CSGALNACT2: variants seen among roughly 807,000 people sequenced by gnomAD.
The protein encoded by CSGALNACT2 is chondroitin sulfate N-acetylgalactosaminyltransferase 2.
CSGALNACT2 carries 35 observed loss-of-function variants against 55.3 expected under a neutral mutation model. The observed-to-expected ratio is 0.63, with a 90% CI of 0.48 to 0.84. CSGALNACT2 has a LOEUF of 0.84. Among genes scored for constraint, CSGALNACT2 ranks in the 40% least tolerant of loss-of-function variants. The pLI is 0.00. For synonymous variants in CSGALNACT2, 196 were observed against 224.9 expected (o/e 0.87, Z 1.15); for missense variants, 544 against 657.5 (o/e 0.83, Z 1.89).
At chr10:43,144,253 A>G (rs909413407) in intron 1 of CSGALNACT2, among the ~76,000 whole-genome samples, 1 of 152,230 alleles carries the variant, frequency 6.6e-6, no homozygotes, top group Non-Finnish European at 1.5e-5. Flanking sequence ...TACTGCATGC[A>G]ATGTACATGT....
intron 6 of CSGALNACT2, among the ~76,000 whole-genome samples, chr10:43,174,196 C>T (rs1313685153): frequency 6.6e-6 from 1 of 151,654 alleles, no homozygotes; most frequent in Non-Finnish European, 1.5e-5. Flanking sequence ...AAGTTCTCCC[C>T]CTCAGCTCAA....
intron 7 of CSGALNACT2, among the ~76,000 whole-genome samples, chr10:43,178,871 A>G (rs1839534975): frequency 6.6e-6 from 1 of 152,030 alleles, no homozygotes; most frequent in African/African-American, 2.4e-5. Context: ...GGTACATTTA[A>G]TGGTATCCCA....
At position 43,158,856 on chromosome 10, in the gene CSGALNACT2, C is replaced by T; in HGVS notation, c.803C>T (p.Thr268Ile). The T allele has an allele frequency of 6.2e-7, 1 of 1,611,602 alleles. No individual in the cohort carries two copies. The highest frequency in any genetic ancestry group is 8.5e-7 in the Non-Finnish European group (1 of 1,177,870). The change falls in exon 3 of 8, where the codon ACT becomes ATT. Residue 268 changes from threonine (T) to isoleucine (I), a missense_variant. Coordinates refer to ENST00000374466, the MANE Select transcript of CSGALNACT2 (RefSeq NM_018590.5). ...GTGAAGAGTGAGATGATTGACATCACTAGATCAATTATTAATATCATTGTG... is the reference window on the plus strand; with the variant it reads ...GTGAAGAGTGAGATGATTGACATCATTAGATCAATTATTAATATCATTGTG... The part of the protein sequence containing the change: ...MKVKSEMIDI[T>I]RSIINIIVPL...
At chr10:43,146,574 T>G (rs765392275) in intron 1 of CSGALNACT2, among the ~76,000 whole-genome samples, 1 of 152,110 alleles carries the variant, frequency 6.6e-6, no homozygotes, top group Non-Finnish European at 1.5e-5. Context: ...CACTCAATAT[T>G]AGCCATCCCA....
chr10:43,164,606 C>T (rs1378700194), intron 5 of CSGALNACT2, among the ~76,000 whole-genome samples: 3 of 152,132 alleles, frequency 2.0e-5, no homozygotes, highest in African/African-American at 2.4e-5. Context: ...CTCAGTACTT[C>T]GGGAGGCTTA....
chr10:43,159,262 C>G (rs1839091475), intron 3 of CSGALNACT2, among the ~76,000 whole-genome samples: 1 of 151,948 alleles, frequency 6.6e-6, no homozygotes, highest in African/African-American at 2.4e-5. Flanking sequence ...GTAAAATCCA[C>G]ATATTTTAAG....
At chr10:43,169,740 A>G (rs1365368879) in intron 6 of CSGALNACT2, among the ~76,000 whole-genome samples, 2 of 152,186 alleles carry the variant, frequency 1.3e-5, no homozygotes, top group Non-Finnish European at 2.9e-5. Flanking sequence ...TTTGGAGAAC[A>G]ACAGTAAAAG....
intron 6 of CSGALNACT2, 30 bp downstream of exon 6, chr10:43,167,128 G>A (rs774327814): frequency 7.4e-7 from 1 of 1,344,322 alleles, no homozygotes; most frequent in Non-Finnish European, 1.1e-6. Flanking sequence ...AGTTATGAAA[G>A]ACTCTAAAGA....
rs1564520982 is a variant in CSGALNACT2, at chr10:43,176,043, T to A, written c.1336+11T>A. 6.3e-7 allele frequency: 1 copy of A among 1,589,064 alleles called. No individual in the cohort carries two copies. The highest frequency in any genetic ancestry group is 2.2e-5 in the East Asian group (1 of 44,748). On this transcript the variant is annotated intron_variant, in intron 7 of 7. Transcript: ENST00000374466. ...ATTTCCTGACCATTGGTAAGTATAC[T>A]TTACATTTAAGGATAGGACTTTATT...
chr10:43,184,800 A>C lies in CSGALNACT2; in HGVS notation c.*1258A>C, dbSNP rs1839664664. Reference sequence around the variant, plus strand: ...ATCAGGTCAATTCCTAGTATGCATAAATTTTTTAACCCTTTTAAAAGAGAC... The same window carrying C: ...ATCAGGTCAATTCCTAGTATGCATACATTTTTTAACCCTTTTAAAAGAGAC... On this transcript the variant is annotated 3_prime_UTR_variant, in exon 8 of 8. Coordinates refer to ENST00000374466, the MANE Select transcript of CSGALNACT2 (RefSeq NM_018590.5). 2 of 152,160 alleles carry C rather than the reference A, an allele frequency of 1.3e-5. No individual in the cohort carries two copies. The highest frequency in any genetic ancestry group is 4.8e-5 in the African/African-American group (2 of 41,442). 9.4% of individuals were successfully genotyped at this position (152,160 alleles called of 1,614,324 possible).
At chr10:43,177,044 C>T (rs1238592454) in intron 7 of CSGALNACT2, among the ~76,000 whole-genome samples, 1 of 152,098 alleles carries the variant, frequency 6.6e-6, no homozygotes, top group South Asian at 2.1e-4. Flanking sequence ...GTTTTTATAA[C>T]CAGCCTTTTG....
chr10:43,142,906 G>A (rs550307890), intron 1 of CSGALNACT2, among the ~76,000 whole-genome samples: 21 of 152,278 alleles, frequency 1.4e-4, no homozygotes, highest in African/African-American at 5.1e-4. Flanking sequence ...TGATAGATTT[G>A]AGTCTATTAC....
chr10:43,152,046 T>C (rs1168729828), intron 1 of CSGALNACT2, among the ~76,000 whole-genome samples: 1 of 152,208 alleles, frequency 6.6e-6, no homozygotes, highest in Non-Finnish European at 1.5e-5. Flanking sequence ...TTAGAATTGA[T>C]GGCTTGTAAG....
At position 43,158,934 on chromosome 10, in the gene CSGALNACT2, A is replaced by C. The variant is rs1260141091; in HGVS notation, c.878+3A>C. On this transcript the variant is annotated splice_donor_region_variant and intron_variant, in intron 3 of 7. Coordinates refer to ENST00000374466, the MANE Select transcript of CSGALNACT2 (RefSeq NM_018590.5). ...GTACAATTTATGCAGAACTTCAGGTAACTGTCAGGGCTTAATGATTAAGCT... is the reference window on the plus strand; with the variant it reads ...GTACAATTTATGCAGAACTTCAGGTCACTGTCAGGGCTTAATGATTAAGCT... The C allele has an allele frequency of 6.4e-7, 1 of 1,561,250 alleles. No homozygotes were observed. Among genetic ancestry groups the C allele is most frequent in the East Asian group, 2.2e-5 (1 of 44,592 alleles).
At chr10:43,146,349 A>T (rs1588891269) in intron 1 of CSGALNACT2, among the ~76,000 whole-genome samples, 1 of 152,336 alleles carries the variant, frequency 6.6e-6, no homozygotes, top group East Asian at 1.9e-4. Flanking sequence ...CATGGGAGAA[A>T]GATGAAGTCC....
In CSGALNACT2 at chr10:43,158,812, T is replaced by C; in HGVS notation, c.759T>C (p.Pro253=). 1 of 1,609,830 alleles carries C rather than the reference T, an allele frequency of 6.2e-7. No individual in the cohort carries two copies. Among genetic ancestry groups the C allele is most frequent in the Non-Finnish European group, 8.5e-7 (1 of 1,176,384 alleles). ...TEYRHVTLFR[P]FGPLMKVKSE... ...ATAGACATGTGACCCTCTTCCGCCC[T>C]TTTGGACCTCTCATGAAAGTGAAGA... is the stretch of plus-strand genomic sequence containing the variant. The change falls in exon 3 of 8, where the codon CCT becomes CCC. Residue 253 remains proline, a synonymous_variant. Transcript: ENST00000374466.
intron 3 of CSGALNACT2, 24 bp downstream of exon 3, chr10:43,158,955 A>C: frequency 7.3e-7 from 1 of 1,372,648 alleles, no homozygotes; most frequent in Non-Finnish European, 1.0e-6. Flanking sequence ...CTTAATGATT[A>C]AGCTACATTC....
At chr10:43,142,565 T>G (rs1838652826) in intron 1 of CSGALNACT2, among the ~76,000 whole-genome samples, 1 of 152,250 alleles carries the variant, frequency 6.6e-6, no homozygotes, top group East Asian at 1.9e-4. Context: ...GAAAATTATA[T>G]GAAGTTCAAA....
intron 7 of CSGALNACT2, among the ~76,000 whole-genome samples, chr10:43,182,609 A>C (rs1839608487): frequency 1.3e-5 from 2 of 152,016 alleles, no homozygotes; most frequent in Non-Finnish European, 2.9e-5. Context: ...GGCTGGTCGC[A>C]GTGGCTAATG....
Sources: gnomAD v4.1 joint callset for allele counts (sites outside exome capture counted in the v4.1 genomes callset) on GRCh38, gnomAD v4.1.1 for gene constraint, MANE v1.5 for transcripts, NCBI Gene and HGNC (gene_info 2026-07-23, HGNC 2026-07-21) for gene names.